Variants in KCNK10 observed in about 807,000 individuals in gnomAD.
KCNK10 encodes the protein potassium channel subfamily K member 10.
KCNK10 carries 25 observed loss-of-function variants against 47.7 expected under a neutral mutation model. That is an observed-to-expected ratio of 0.52 (90% CI 0.38 to 0.73). KCNK10 has a LOEUF of 0.73. Among genes scored for constraint, KCNK10 ranks in the 30% least tolerant of loss-of-function variants. The pLI, the probability that KCNK10 is intolerant of heterozygous loss-of-function variation, is 0.00. For synonymous variants in KCNK10, 303 were observed against 285.6 expected, an observed-to-expected ratio of 1.06 and a Z score of -0.61; for missense variants, 563 against 714.5, an observed-to-expected ratio of 0.79 and a Z score of 2.42.
At chr14:88,252,073 C>T (rs1166416980) in intron 2 of KCNK10, among the ~76,000 whole-genome samples, 2 of 152,100 alleles carry the variant, frequency 1.3e-5, no homozygotes, top group Non-Finnish European at 2.9e-5. Flanking sequence ...TTTTATATTT[C>T]AAACCAAGAC....
At chr14:88,187,627 C>CCA (rs10635425) in intron 6 of KCNK10, among the ~76,000 whole-genome samples, 37,048 of 105,492 alleles carry the variant, frequency 0.35, 5,470 homozygotes, top group East Asian at 0.61. Flanking sequence ...CAGGCTGCAC[C>CCA]CCCCCACACA....
chr14:88,263,404 C>A lies in KCNK10; in HGVS notation c.200G>T (p.Gly67Val). The A allele has an allele frequency of 6.2e-7, 1 of 1,614,116 alleles. No homozygotes were observed. The highest frequency in any genetic ancestry group is 8.5e-7 in the Non-Finnish European group (1 of 1,180,054). Residue 67 changes from glycine to valine, a missense_variant, in exon 2 of 7, where the codon GGC (glycine) becomes GTC (valine). Transcript: ENST00000319231. ...CTTCCACTTCATGACGGTCTGCAAG[C>A]CCCCTTGGGAGGTGCCTTCCATCCT... ...VARMEGTSQGGLQTVMKWKTV... is the reference protein window; with the variant it reads ...VARMEGTSQGVLQTVMKWKTV...
At chr14:88,235,735 G>C (rs1481691695) in intron 3 of KCNK10, among the ~76,000 whole-genome samples, 1 of 152,132 alleles carries the variant, frequency 6.6e-6, no homozygotes, top group Non-Finnish European at 1.5e-5. Context: ...CATAGAAGAT[G>C]AGCAAAGAAG....
intron 4 of KCNK10, among the ~76,000 whole-genome samples, chr14:88,193,682 C>T (rs760786400): frequency 6.6e-5 from 10 of 152,176 alleles, no homozygotes; most frequent in Non-Finnish European, 1.5e-4. Context: ...GCTTTATATA[C>T]TTCATTTTAC....
intron 4 of KCNK10, among the ~76,000 whole-genome samples, chr14:88,199,199 C>A (rs148792720): frequency 0.031 from 4,716 of 152,124 alleles, 332 homozygotes; most frequent in East Asian, 0.22. Flanking sequence ...GGATTACAGG[C>A]GTGAGCCACC....
intron 4 of KCNK10, among the ~76,000 whole-genome samples, chr14:88,214,791 A>AGCAG (rs1885568015): frequency 6.6e-6 from 1 of 152,212 alleles, no homozygotes; most frequent in African/African-American, 2.4e-5. Flanking sequence ...AGAAAACTAA[A>AGCAG]ATCCTTTTAA....
Position 88,186,330 on chromosome 14 carries a change from C to T in KCNK10, c.1012-175G>A, listed in dbSNP as rs1474951042. ...CTAGTACTTCTGCCACCTGGACACCCATCCCTAATTGGCTAGTAAATAAGG... is the reference window on the plus strand; with the variant it reads ...CTAGTACTTCTGCCACCTGGACACCTATCCCTAATTGGCTAGTAAATAAGG... On this transcript the variant is annotated intron_variant, in intron 6 of 6. Coordinates refer to ENST00000319231, the MANE Select transcript of KCNK10 (RefSeq NM_138317.3). This position sits in a 1 kb window ranked among gnomAD's most constrained non-coding sequence, Gnocchi z 5.5. Among the ~76,000 whole-genome samples, 1 of 152,164 alleles carries T rather than the reference C, an allele frequency of 6.6e-6. No individual in the cohort carries two copies. Among genetic ancestry groups the T allele is most frequent in the African/African-American group, 2.4e-5 (1 of 41,440 alleles).
chr14:88,319,877 C>T (rs1226469522), intron 1 of KCNK10, among the ~76,000 whole-genome samples: 2 of 152,234 alleles, frequency 1.3e-5, no homozygotes, highest in African/African-American at 4.8e-5. Context: ...CTCTGTTCCT[C>T]AGTTAACTCA....
At chr14:88,201,244 A>G (rs1885091220) in intron 4 of KCNK10, among the ~76,000 whole-genome samples, 1 of 152,188 alleles carries the variant, frequency 6.6e-6, no homozygotes, top group Non-Finnish European at 1.5e-5. Context: ...GCCAGCTCCA[A>G]TTGTGTGTTG....
intron 2 of KCNK10, among the ~76,000 whole-genome samples, chr14:88,253,368 A>G (rs1440153919): frequency 6.6e-6 from 1 of 152,190 alleles, no homozygotes; most frequent in Non-Finnish European, 1.5e-5. Flanking sequence ...AAAGGAGGAT[A>G]TTGAACGTTC....
chr14:88,296,799 G>C (rs190301530), intron 1 of KCNK10, among the ~76,000 whole-genome samples: 1 of 152,250 alleles, frequency 6.6e-6, no homozygotes, highest in African/African-American at 2.4e-5. Flanking sequence ...TAAAACTAGA[G>C]GCTTAACATT....
intron 1 of KCNK10, among the ~76,000 whole-genome samples, chr14:88,314,955 G>T (rs998124447): frequency 6.6e-6 from 1 of 152,148 alleles, no homozygotes; most frequent in Non-Finnish European, 1.5e-5. Flanking sequence ...ATCATGCTTG[G>T]ATTAGGACTC....
intron 1 of KCNK10, among the ~76,000 whole-genome samples, chr14:88,282,915 C>T (rs1224646345): frequency 4.6e-5 from 7 of 152,240 alleles, no homozygotes; most frequent in Non-Finnish European, 1.0e-4. Flanking sequence ...CATTCACAGT[C>T]GCATAGTGCA....
intron 4 of KCNK10, among the ~76,000 whole-genome samples, chr14:88,226,005 C>T (rs1885972711): frequency 6.6e-6 from 1 of 152,230 alleles, no homozygotes; most frequent in Admixed American, 6.5e-5. Flanking sequence ...AACTCACACA[C>T]CACAGAGCTC....
At chr14:88,201,832 C>T (rs1885111308) in intron 4 of KCNK10, among the ~76,000 whole-genome samples, 1 of 151,926 alleles carries the variant, frequency 6.6e-6, no homozygotes, top group South Asian at 2.1e-4. Context: ...TATTACCTTT[C>T]ATGAAGAGAC....
chr14:88,227,314 C>G lies in KCNK10; in HGVS notation c.681+61G>C, dbSNP rs1239534735. Reference sequence around the variant, plus strand: ...TGCCCCTGATACTGCCTCCTGGATCCTGTCAGGCTAAAGCCAACTGGATCA... The same window carrying G: ...TGCCCCTGATACTGCCTCCTGGATCGTGTCAGGCTAAAGCCAACTGGATCA... On this transcript the variant is annotated intron_variant, in intron 4 of 6. Transcript: ENST00000319231. 2.9e-6 allele frequency: 4 copies of G among 1,355,952 alleles called. No homozygotes were observed. The African/African-American group carries it at 5.9e-5, about 20-fold the overall frequency. 84.0% of individuals were successfully genotyped at this position (1,355,952 alleles called of 1,614,324 possible).
chr14:88,302,845 G>A (rs1000869567), intron 1 of KCNK10, among the ~76,000 whole-genome samples: 69 of 152,256 alleles, frequency 4.5e-4, no homozygotes, highest in African/African-American at 1.5e-3. Context: ...GGGAAAATGT[G>A]GCAGACACTG....
rs555160273 is a variant in KCNK10, at chr14:88,244,653, G to A, written c.403-3833C>T. 1.3e-4 allele frequency among the ~76,000 whole-genome samples: 20 copies of A among 152,108 alleles called. No individual in the cohort carries two copies. In the South Asian group the frequency reaches 4.0e-3, roughly 30 times the overall value. On this transcript the variant is annotated intron_variant, in intron 2 of 6. Transcript: ENST00000319231. ...ACTGCACTCCAGCCTGGGCAACAGAGTGAGACTCTGTCTCAAAAAAAAAAA... is the reference window on the plus strand; with the variant it reads ...ACTGCACTCCAGCCTGGGCAACAGAATGAGACTCTGTCTCAAAAAAAAAAA...
At position 88,289,435 on chromosome 14, in the gene KCNK10, T is replaced by C. The variant is rs113237219; in HGVS notation, c.53-25884A>G. Among the ~76,000 whole-genome samples, 6 of 152,250 alleles carry C rather than the reference T, an allele frequency of 3.9e-5. No homozygotes were observed. In the East Asian group the frequency reaches 7.7e-4, roughly 20 times the overall value. Reference sequence around the variant, plus strand: ...CCCTTACACAGTTTTTTAGATTCACTTGAAGACAAGGCAACATTTGCCCAA... The same window carrying C: ...CCCTTACACAGTTTTTTAGATTCACCTGAAGACAAGGCAACATTTGCCCAA... On this transcript the variant is annotated intron_variant, in intron 1 of 6. Coordinates refer to ENST00000319231, the MANE Select transcript of KCNK10 (RefSeq NM_138317.3).
Sources: allele counts gnomAD v4.1 joint callset (sites outside exome capture counted in the v4.1 genomes callset), GRCh38; gene constraint gnomAD v4.1.1; non-coding constraint Gnocchi (gnomAD v3.1); transcripts MANE v1.5; gene names NCBI Gene and HGNC (gene_info 2026-07-23, HGNC 2026-07-21).